STYX: variants seen among roughly 807,000 people sequenced by gnomAD.
STYX encodes the protein serine/threonine/tyrosine-interacting protein.
STYX carries 20 observed loss-of-function variants against 42.7 expected under a neutral mutation model. The ratio of observed to expected loss-of-function variants is 0.47; its 90% confidence interval spans 0.33 to 0.68. The LOEUF is 0.68. Ranked by LOEUF, STYX falls within the 30% of genes least tolerant of loss-of-function variation. STYX has a pLI of 0.02. For missense variants in STYX, 226 were observed against 268.5 expected (o/e 0.84, Z 1.11); for synonymous variants, 78 against 81.9 (o/e 0.95, Z 0.26).
intron 3 of STYX, 74 bp downstream of exon 3, chr14:52,746,553 A>G (rs566742520): frequency 7.5e-7 from 1 of 1,326,910 alleles, no homozygotes; most frequent in South Asian, 1.4e-5. Flanking sequence ...TTTAGTAATA[A>G]AGAGTTTTAT....
chr14:52,762,149 G>A (rs1274424401), intron 9 of STYX, among the ~76,000 whole-genome samples: 5 of 151,742 alleles, frequency 3.3e-5, no homozygotes, highest in South Asian at 2.1e-4. Context: ...CAAAGTGCTG[G>A]AATTACAGGC....
At position 52,744,562 on chromosome 14, in the gene STYX, A is replaced by G. The variant is rs893358902; in HGVS notation, c.58-290A>G. Among the ~76,000 whole-genome samples, 8 of 152,214 alleles carry G rather than the reference A, an allele frequency of 5.3e-5. No homozygotes were observed. In the South Asian group the frequency reaches 1.7e-3, roughly 31 times the overall value. On this transcript the variant is annotated intron_variant, in intron 1 of 10. Transcript: ENST00000354586. ...TGACTTAGAAGATCAGTTTTGGGAG[A>G]ATCTTCTGGAATATCTATTCTATTC...
At chr14:52,753,780 T>C (rs779528821) in intron 4 of STYX, among the ~76,000 whole-genome samples, 2 of 151,918 alleles carry the variant, frequency 1.3e-5, no homozygotes, top group Non-Finnish European at 2.9e-5. Flanking sequence ...AATCCACAGG[T>C]ATGAAATTCT....
Position 52,758,031 on chromosome 14 carries a change from A to T in STYX, c.431+107A>T. 8 of 1,244,346 alleles carry T rather than the reference A, an allele frequency of 6.4e-6. No individual in the cohort carries two copies. The South Asian group carries it at 1.1e-4, about 17-fold the overall frequency. 77.1% of individuals were successfully genotyped at this position (1,244,346 alleles called of 1,614,324 possible). On this transcript the variant is annotated intron_variant, in intron 8 of 10. Transcript: ENST00000354586. The stretch of plus-strand genomic sequence containing the variant: ...GTTCTTATTCCCCTGATTATTTTTC[A>T]TGTAGTCATGTTTGATTAGGCAGGC...
chr14:52,758,336 G>T (rs934930495), intron 8 of STYX, among the ~76,000 whole-genome samples: 1 of 152,108 alleles, frequency 6.6e-6, no homozygotes, highest in Non-Finnish European at 1.5e-5. Context: ...TCTTTTCCAA[G>T]CATTCTGTAT....
At chr14:52,747,899 C>T (rs535800515) in intron 3 of STYX, among the ~76,000 whole-genome samples, 2 of 152,162 alleles carry the variant, frequency 1.3e-5, no homozygotes, top group African/African-American at 2.4e-5. Context: ...GGCTGAGGCG[C>T]GAGAATTGCT....
chr14:52,743,821 A>G (rs1253683970), intron 1 of STYX, among the ~76,000 whole-genome samples: 2 of 152,100 alleles, frequency 1.3e-5, no homozygotes, highest in Non-Finnish European at 2.9e-5. Flanking sequence ...AATGAGGACT[A>G]TCTGTACTAT....
At chr14:52,739,858 G>A (rs1850288275) in intron 1 of STYX, among the ~76,000 whole-genome samples, 1 of 151,744 alleles carries the variant, frequency 6.6e-6, no homozygotes, top group Non-Finnish European at 1.5e-5. Flanking sequence ...TGCCCAGGCT[G>A]GTCTTGAACT....
In STYX at chr14:52,752,325, C is replaced by T. The variant is rs747110570; in HGVS notation, c.242+1545C>T. The stretch of plus-strand genomic sequence containing the variant: ...ACTAAAAATACAAAAATTATCTGGG[C>T]GTGGTGGCACATGCCTGTAGTCCCA... On this transcript the variant is annotated intron_variant, in intron 4 of 10. Transcript: ENST00000354586. Among the ~76,000 whole-genome samples the T allele has an allele frequency of 1.7e-4, 26 of 151,572 alleles. 1 individual carries two copies. Among genetic ancestry groups the T allele is most frequent in the South Asian group, 4.2e-4 (2 of 4,794 alleles).
intron 1 of STYX, 28 bp downstream of exon 1, chr14:52,730,559 C>T: frequency 2.5e-6 from 4 of 1,610,310 alleles, no homozygotes; most frequent in Non-Finnish European, 3.4e-6. Flanking sequence ...CTGCCACGCA[C>T]AGGCCTCTCC....
At chr14:52,761,573 T>G (rs1239857954) in intron 9 of STYX, among the ~76,000 whole-genome samples, 5 of 145,356 alleles carry the variant, frequency 3.4e-5, no homozygotes, top group East Asian at 2.1e-4. Flanking sequence ...AAAGTTTTTT[T>G]TTTTTTTTTT....
chr14:52,756,548 C>T lies in STYX; in HGVS notation c.243-3C>T. The T allele has an allele frequency of 6.6e-7, 1 of 1,506,108 alleles. No individual in the cohort carries two copies. Among genetic ancestry groups the T allele is most frequent in the East Asian group, 2.4e-5 (1 of 42,270 alleles). The allele number at this position is 1,506,108 out of a possible 1,614,324, so 93.3% of individuals were successfully genotyped here. A position where few individuals can be genotyped will look rare whatever the true frequency, so the allele number is the denominator to read the frequency against. ...TGCTTATCACAAAATACTCTATTTT[C>T]AGATATTTAGTCCTGGATATTGCAG... On this transcript the variant is annotated splice_polypyrimidine_tract_variant and splice_region_variant and intron_variant, in intron 4 of 10. Transcript: ENST00000354586.
intron 3 of STYX, among the ~76,000 whole-genome samples, chr14:52,747,330 C>G (rs1409186297): frequency 6.6e-6 from 1 of 152,152 alleles, no homozygotes; most frequent in Non-Finnish European, 1.5e-5. Flanking sequence ...ATTCAGAAGT[C>G]AGTATACTTA....
rs1266182189 is a variant in STYX at position 52,744,894 on chromosome 14, C to T, written c.90+10C>T. On this transcript the variant is annotated intron_variant, in intron 2 of 10. Transcript: ENST00000354586. ...GAGACGAGAGATGCAGGTATGGCAA[C>T]CTTTTCTTTGTTCAAACCAACCCAT... 4 of 1,612,640 alleles carry T rather than the reference C, an allele frequency of 2.5e-6. No homozygotes were observed. Among genetic ancestry groups the T allele is most frequent in the East Asian group, 2.2e-5 (1 of 44,712 alleles).
At chr14:52,747,127 G>T (rs1881424890) in intron 3 of STYX, among the ~76,000 whole-genome samples, 1 of 152,078 alleles carries the variant, frequency 6.6e-6, no homozygotes, top group Non-Finnish European at 1.5e-5. Context: ...TTTAAATAAG[G>T]GATATTCAAT....
At chr14:52,767,744 C>T (rs538369675) in intron 9 of STYX, among the ~76,000 whole-genome samples, 1 of 152,230 alleles carries the variant, frequency 6.6e-6, no homozygotes, top group East Asian at 1.9e-4. Flanking sequence ...AATTGATAAA[C>T]ACTGATTCAT....
chr14:52,730,489 G>C lies in STYX; in HGVS notation c.15G>C (p.Lys5Asn). ...GGGCCAGCACCATGGAGGACGTGAA[G>C]CTGGAGTTCCCTTCCCTTCCACAGT... MEDV[K>N]LEFPSLPQCK... The change falls in exon 1 of 11, where the codon AAG (lysine) becomes AAC (asparagine). Residue 5 changes from lysine (K) to asparagine (N), a missense_variant. By Grantham distance (94) the Lys-to-Asn change is moderately conservative. Transcript: ENST00000354586. 2 of 1,613,772 alleles carry C rather than the reference G, an allele frequency of 1.2e-6. No homozygotes were observed. The highest frequency in any genetic ancestry group is 1.7e-6 in the Non-Finnish European group (2 of 1,179,880).
rs546245975 is a variant in STYX at position 52,739,538 on chromosome 14, T to C, written c.58-5314T>C. Among the ~76,000 whole-genome samples the C allele has an allele frequency of 1.1e-4, 16 of 152,250 alleles. No homozygotes were observed. In the South Asian group the frequency reaches 3.1e-3, roughly 30 times the overall value. On this transcript the variant is annotated intron_variant, in intron 1 of 10. Coordinates refer to ENST00000354586, the MANE Select transcript of STYX (RefSeq NM_145251.4). ...AAATGCATCTATTTTGTGCTTATTCTGTGTCAGGCACTGTGCTTATCATTA... is the reference window on the plus strand; with the variant it reads ...AAATGCATCTATTTTGTGCTTATTCCGTGTCAGGCACTGTGCTTATCATTA...
At chr14:52,758,817 A>C (rs1455917671) in intron 8 of STYX, among the ~76,000 whole-genome samples, 1 of 152,054 alleles carries the variant, frequency 6.6e-6, no homozygotes, top group Admixed American at 6.6e-5. Flanking sequence ...CTTGTGATCC[A>C]CCTGCCTCGG....
Sources: allele counts gnomAD v4.1 joint callset (sites outside exome capture counted in the v4.1 genomes callset), GRCh38; gene constraint gnomAD v4.1.1; transcripts MANE v1.5; gene names NCBI Gene and HGNC (gene_info 2026-07-23, HGNC 2026-07-21).